Variants in PPOX observed in about 807,000 individuals in gnomAD.
PPOX encodes the protein protoporphyrinogen oxidase.
Under a neutral mutation model 54.1 loss-of-function variants are expected in PPOX, and 23 were observed. The observed-to-expected ratio is 0.43, with a 90% CI of 0.31 to 0.60. The LOEUF is 0.60. PPOX is among the 20% of genes least tolerant of loss of function. The pLI is 0.13. For missense variants in PPOX, 512 were observed against 601.1 expected, an observed-to-expected ratio of 0.85 and a Z score of 1.55; for synonymous variants, 224 against 236.1, an observed-to-expected ratio of 0.95 and a Z score of 0.47.
chr1:161,174,882 C>A, downstream of PPOX: 1 of 1,176,740 alleles, frequency 8.5e-7, no homozygotes, highest in Non-Finnish European at 1.2e-6. Context: ...CTCTAACAGT[C>A]TGGCCTTCTT....
chr1:161,166,854 C>T lies in PPOX; in HGVS notation c.7C>T (p.Arg3Trp), dbSNP rs747028751. MG[R>W]TVVVLGGGIS... is the part of the protein sequence containing the mutation. ...CTTTCCCCCAGGTTTCCGCATGGGC[C>T]GGACCGTGGTCGTGCTGGGCGGAGG... Residue 3 changes from arginine (R) to tryptophan (W), a missense_variant, in exon 2 of 13, where the codon CGG becomes TGG. Transcript: ENST00000367999. 1.2e-6 allele frequency: 2 copies of T among 1,613,552 alleles called. No homozygotes were observed. Among genetic ancestry groups the T allele is most frequent in the East Asian group, 2.2e-5 (1 of 44,882 alleles).
chr1:161,169,952 CCT>C lies in PPOX; in HGVS notation c.916_917del (p.Leu306GlufsTer43). 6.2e-7 allele frequency: 1 copy of C among 1,614,184 alleles called. No individual in the cohort carries two copies. The highest frequency in any genetic ancestry group is 8.5e-7 in the Non-Finnish European group (1 of 1,180,028). The stretch of plus-strand genomic sequence containing the variant: ...CTGAGGCTGCCCCTCTGGCTCGTGC[CCT>C]GAGTGCCATCACTGCAGTGTCTGTA... The part of the protein sequence containing the change: ...PAEAAPLARA[L>X]SAITAVSVAV... On this transcript the variant is annotated frameshift_variant, in exon 9 of 13. Coordinates refer to ENST00000367999, the MANE Select transcript of PPOX (RefSeq NM_001122764.3). LOFTEE classifies it high-confidence loss of function.
chr1:161,169,406 G>C, intron 7 of PPOX: 1 of 698,692 alleles, frequency 1.4e-6, no homozygotes, highest in Non-Finnish European at 2.4e-6. Flanking sequence ...GTGGCTTAGA[G>C]ATAGGGGAAA....
At chr1:161,172,634 G>A (rs999939049), downstream of PPOX, among the ~76,000 whole-genome samples, 2 of 152,192 alleles carry the variant, frequency 1.3e-5, no homozygotes, top group East Asian at 1.9e-4. Flanking sequence ...GACGCAGAGA[G>A]AGGCCATTCT....
At chr1:161,169,530 C>T in intron 7 of PPOX, 130 bp from the exon 8 acceptor site, 1 of 950,106 alleles carries the variant, frequency 1.1e-6, no homozygotes, top group Non-Finnish European at 1.7e-6. Context: ...CCAATCTCTT[C>T]ATCCTGGGTC....
At chr1:161,167,789 T>C in intron 4 of PPOX, 1 of 820,862 alleles carries the variant, frequency 1.2e-6, no homozygotes, top group Non-Finnish European at 1.9e-6. Flanking sequence ...GGTCTTGAAC[T>C]CCTGACCTTG....
rs756940692 is a variant in PPOX, at chr1:161,168,006, G to A, written c.350G>A (p.Arg117His). 24 of 1,614,030 alleles carry A rather than the reference G, an allele frequency of 1.5e-5. No individual in the cohort carries two copies. The highest frequency in any genetic ancestry group is 4.2e-6 in the Non-Finnish European group (5 of 1,180,040). ...ALPTGLRGLLRPSPPFSKPLF... is the reference protein window; with the variant it reads ...ALPTGLRGLLHPSPPFSKPLF... ...CTTTCTCCATGCAGGGGGCTACTCC[G>A]CCCTTCACCCCCCTTCTCCAAACCT... The change falls in exon 5 of 13, where the codon CGC becomes CAC. Residue 117 changes from arginine (R) to histidine (H), a missense_variant. Transcript: ENST00000367999.
chr1:161,169,888 C>T lies in PPOX; in HGVS notation c.869-18C>T, dbSNP rs1017598934. 6.2e-7 allele frequency: 1 copy of T among 1,614,186 alleles called. No homozygotes were observed. The highest frequency in any genetic ancestry group is 8.5e-7 in the Non-Finnish European group (1 of 1,180,028). On this transcript the variant is annotated intron_variant, in intron 8 of 12. Transcript: ENST00000367999. Reference sequence around the variant, plus strand: ...TAATGGGAATGCCTTCTGAGTCAGGCCTCTGCCTGATCTCTAGTGCTCAGT... The same window carrying T: ...TAATGGGAATGCCTTCTGAGTCAGGTCTCTGCCTGATCTCTAGTGCTCAGT...
downstream of PPOX, chr1:161,174,874 C>CT (rs1242632701): frequency 5.0e-5 from 56 of 1,113,156 alleles, no homozygotes; most frequent in South Asian, 5.3e-4. Context: ...TCTCCACACT[C>CT]TAACAGTCTG....
chr1:161,173,747 T>G, downstream of PPOX: 1 of 1,614,010 alleles, frequency 6.2e-7, no homozygotes, highest in South Asian at 1.1e-5. Context: ...GAAAGATCCT[T>G]GCATACCCCG....
rs375651562 is a variant in PPOX, at chr1:161,167,164, G to A, written c.152G>A (p.Gly51Asp). The change falls in exon 3 of 13, where the codon GGT becomes GAT. Residue 51 changes from glycine to aspartate, a missense_variant. Physicochemically the swap from Gly to Asp is moderately conservative, Grantham distance 94. Transcript: ENST00000367999. ...ATTCGCTCCGTTCGAGGCCCTAATG[G>A]TGCTATCTTTGAGCTTGGACCTCGG... ...GWIRSVRGPNGAIFELGPRGI... is the reference protein window; with the variant it reads ...GWIRSVRGPNDAIFELGPRGI... 24 of 1,614,196 alleles carry A rather than the reference G, an allele frequency of 1.5e-5. No homozygotes were observed. The highest frequency in any genetic ancestry group is 4.5e-5 in the East Asian group (2 of 44,884).
At chr1:161,174,707 G>A (rs958165844), downstream of PPOX, among the ~76,000 whole-genome samples, 3 of 152,136 alleles carry the variant, frequency 2.0e-5, no homozygotes, top group African/African-American at 7.2e-5. Context: ...AACAAGTGAC[G>A]GAACTAGAAT....
intron 9 of PPOX, 26 bp downstream of exon 9, chr1:161,170,050 G>C: frequency 6.3e-7 from 1 of 1,598,852 alleles, no homozygotes; most frequent in Non-Finnish European, 8.5e-7. Context: ...GGAGAGGCTG[G>C]GCATGGTGGC....
Position 161,169,913 on chromosome 1 carries a change from T to C in PPOX, c.876T>C (p.Ser292=). The C allele has an allele frequency of 6.2e-7, 1 of 1,614,206 alleles. No individual in the cohort carries two copies. The highest frequency in any genetic ancestry group is 1.1e-5 in the South Asian group (1 of 91,086). The part of the protein sequence containing the change: ...VISAIPASVL[S]ELLPAEAAPL... Reference sequence around the variant, plus strand: ...CCTCTGCCTGATCTCTAGTGCTCAGTGAGCTGCTCCCTGCTGAGGCTGCCC... The same window carrying C: ...CCTCTGCCTGATCTCTAGTGCTCAGCGAGCTGCTCCCTGCTGAGGCTGCCC... The change falls in exon 9 of 13, where the codon AGT becomes AGC. Residue 292 remains serine (S), a synonymous_variant. Coordinates refer to ENST00000367999, the MANE Select transcript of PPOX (RefSeq NM_001122764.3).
downstream of PPOX, chr1:161,175,728 C>T: frequency 6.4e-7 from 1 of 1,564,014 alleles, no homozygotes; most frequent in Non-Finnish European, 8.7e-7. Flanking sequence ...ACTTCTGCCA[C>T]TCCATGCCTC....
At chr1:161,169,884 C>T (rs369094399) in intron 8 of PPOX, 22 bp from the exon 9 acceptor site, 8 of 1,614,032 alleles carry the variant, frequency 5.0e-6, no homozygotes, top group Middle Eastern at 1.6e-4. Context: ...CCTTCTGAGT[C>T]AGGCCTCTGC....
chr1:161,166,166 T>A, upstream of PPOX: 1 of 983,508 alleles, frequency 1.0e-6, no homozygotes, highest in Non-Finnish European at 1.2e-6. Context: ...TCACCCTAGC[T>A]GGACCTGGTA....
rs1322417429 is a variant in PPOX, at chr1:161,167,121, G to C, written c.109G>C (p.Glu37Gln). The change falls in exon 3 of 13, where the codon GAG becomes CAG. Residue 37 changes from glutamate (E) to glutamine (Q), a missense_variant. Transcript: ENST00000367999. Reference protein sequence around the residue: ...PPKVVLVESSERLGGWIRSVR... With the variant: ...PPKVVLVESSQRLGGWIRSVR... The stretch of plus-strand genomic sequence containing the variant: ...CCAGGTGGTCCTAGTGGAGAGCAGT[G>C]AGCGTCTGGGAGGCTGGATTCGCTC... 6.2e-7 allele frequency: 1 copy of C among 1,614,188 alleles called. No individual in the cohort carries two copies. The highest frequency in any genetic ancestry group is 8.5e-7 in the Non-Finnish European group (1 of 1,180,038).
At chr1:161,173,236 G>A (rs550192638), downstream of PPOX, among the ~76,000 whole-genome samples, 52 of 152,282 alleles carry the variant, frequency 3.4e-4, no homozygotes, top group African/African-American at 1.2e-3. Context: ...TTTACAAAGC[G>A]ATTCTGGGAA....
Sources: allele counts gnomAD v4.1 joint callset (sites outside exome capture counted in the v4.1 genomes callset), GRCh38; gene constraint gnomAD v4.1.1; transcripts MANE v1.5; gene names NCBI Gene and HGNC (gene_info 2026-07-23, HGNC 2026-07-21).